Variants in CCDC91 observed in about 807,000 individuals in gnomAD.
The protein encoded by CCDC91 is coiled-coil domain containing 91.
In CCDC91, 48 loss-of-function variants were observed where a neutral mutation model predicts 63.2. The ratio of observed to expected loss-of-function variants is 0.76; its 90% CI spans 0.60 to 0.97. CCDC91 has a LOEUF of 0.97. CCDC91 is among the 50% of genes least tolerant of loss of function. CCDC91 has a pLI of 0.00. For missense variants in CCDC91, 500 were observed against 494.6 expected (o/e 1.01, Z -0.10); for synonymous variants, 167 against 165.8 (o/e 1.01, Z -0.06).
chr12:28,351,717 C>T (rs1361173324), intron 6 of CCDC91, among the ~76,000 whole-genome samples: 1 of 151,808 alleles, frequency 6.6e-6, no homozygotes, highest in Non-Finnish European at 1.5e-5. Context: ...TTTATAGCTT[C>T]CTAGTCTAAT....
In CCDC91 at chr12:28,298,423, C is replaced by G. The variant is rs1038832303; in HGVS notation, c.110-7226C>G. 5.4e-4 allele frequency among the ~76,000 whole-genome samples: 80 copies of G among 148,490 alleles called. 1 individual carries two copies. The highest frequency in any genetic ancestry group is 1.9e-3 in the African/African-American group (77 of 40,520). ...GCCCCTATTAGTCTTTACTTTGAAGCTGGATCTTTTCCTATCCTATTAACT... is the reference window on the plus strand; with the variant it reads ...GCCCCTATTAGTCTTTACTTTGAAGGTGGATCTTTTCCTATCCTATTAACT... On this transcript the variant is annotated intron_variant, in intron 3 of 12. Coordinates refer to ENST00000536442, the MANE Select transcript of CCDC91 (RefSeq NM_018318.5).
rs1418641302 is a variant in CCDC91, at chr12:28,294,919, G to A, written c.110-10730G>A. Among the ~76,000 whole-genome samples, 6 of 152,062 alleles carry A rather than the reference G, an allele frequency of 3.9e-5. No homozygotes were observed. The South Asian group carries it at 6.2e-4, about 16-fold the overall frequency. ...TTCTTTATACATTACTCAGTCTCAG[G>A]TAGTATCTTTATAGCAATGTGAGAA... On this transcript the variant is annotated intron_variant, in intron 3 of 12. Transcript: ENST00000536442.
chr12:28,438,821 G>A (rs2140176609), intron 8 of CCDC91, among the ~76,000 whole-genome samples: 1 of 152,254 alleles, frequency 6.6e-6, no homozygotes, highest in Non-Finnish European at 1.5e-5. Context: ...CCCATCTTAA[G>A]TTGAGGAGCA....
intron 7 of CCDC91, among the ~76,000 whole-genome samples, chr12:28,374,052 C>A (rs907872612): frequency 3.3e-5 from 5 of 152,072 alleles, no homozygotes; most frequent in Non-Finnish European, 7.4e-5. Context: ...TGTGTATTTC[C>A]TTCTAGCAAT....
chr12:28,214,829 A>G (rs1943464822), intron 1 of CCDC91, among the ~76,000 whole-genome samples: 2 of 151,934 alleles, frequency 1.3e-5, no homozygotes, highest in South Asian at 4.2e-4. Flanking sequence ...TGACCTTGTT[A>G]TTTTCTTTAT....
intron 12 of CCDC91, among the ~76,000 whole-genome samples, chr12:28,493,592 C>G (rs1459748604): frequency 2.0e-5 from 3 of 151,634 alleles, no homozygotes; most frequent in Non-Finnish European, 4.4e-5. Context: ...TCAAAAAGTG[C>G]TAAAACAAGA....
At chr12:28,473,246 G>C (rs1435301258) in intron 11 of CCDC91, among the ~76,000 whole-genome samples, 1 of 152,086 alleles carries the variant, frequency 6.6e-6, no homozygotes, top group African/African-American at 2.4e-5. Flanking sequence ...CTTTACTACT[G>C]CTAAGCCATT....
At chr12:28,242,909 C>A (rs1405138309) in intron 1 of CCDC91, among the ~76,000 whole-genome samples, 1 of 152,110 alleles carries the variant, frequency 6.6e-6, no homozygotes, top group African/African-American at 2.4e-5. Context: ...CTTGCTCCTA[C>A]TTCTGACATG....
At chr12:28,492,400 T>C in intron 12 of CCDC91, among the ~76,000 whole-genome samples, 1 of 151,864 alleles carries the variant, frequency 6.6e-6, no homozygotes, top group East Asian at 1.9e-4. Context: ...TTGACTCTTA[T>C]AATCTATAAT....
chr12:28,301,330 A>G lies in CCDC91; in HGVS notation c.110-4319A>G, dbSNP rs115346254. 1.3e-3 allele frequency among the ~76,000 whole-genome samples: 201 copies of G among 151,454 alleles called. 2 individuals are homozygous for G. Among genetic ancestry groups the G allele is most frequent in the African/African-American group, 4.7e-3 (194 of 41,468 alleles). ...TCCAGAGTCTGGAGATAATCATATA[A>G]TTTTTTTTAAAATTCTGTTATTATG... On this transcript the variant is annotated intron_variant, in intron 3 of 12. Coordinates refer to ENST00000536442, the MANE Select transcript of CCDC91 (RefSeq NM_018318.5).
chr12:28,277,683 T>TC (rs1446215454), intron 3 of CCDC91, among the ~76,000 whole-genome samples: 1 of 152,020 alleles, frequency 6.6e-6, no homozygotes, highest in African/African-American at 2.4e-5. Context: ...CTCCTTTTTT[T>TC]CACTTTGATC....
chr12:28,332,372 T>C (rs779254842), intron 6 of CCDC91, among the ~76,000 whole-genome samples: 2 of 152,174 alleles, frequency 1.3e-5, no homozygotes, highest in African/African-American at 4.8e-5. Flanking sequence ...AAGGAAGATA[T>C]TGAAAATCCT....
At chr12:28,232,973 C>CA (rs35495535) in intron 1 of CCDC91, among the ~76,000 whole-genome samples, 1,023 of 87,424 alleles carry the variant, frequency 0.012, 7 homozygotes, top group South Asian at 0.028. Context: ...ACTCTATCTC[C>CA]AAAAAAAAAA....
chr12:28,420,211 C>CA (rs1159590717), intron 8 of CCDC91, among the ~76,000 whole-genome samples: 1 of 151,760 alleles, frequency 6.6e-6, no homozygotes, highest in Non-Finnish European at 1.5e-5. Flanking sequence ...AAACTTAAAG[C>CA]AAAAAAATCA....
chr12:28,379,829 A>G (rs1412076626), intron 7 of CCDC91, among the ~76,000 whole-genome samples: 1 of 152,318 alleles, frequency 6.6e-6, no homozygotes, highest in South Asian at 2.1e-4. Flanking sequence ...GTTATAAATC[A>G]TTCTACTATA....
chr12:28,452,545 A>C lies in CCDC91; in HGVS notation c.992A>C (p.Lys331Thr). 1 of 1,591,418 alleles carries C rather than the reference A, an allele frequency of 6.3e-7. No individual in the cohort carries two copies. Among genetic ancestry groups the C allele is most frequent in the South Asian group, 1.2e-5 (1 of 86,616 alleles). ...VVEEERKNLE[K>T]AHAEERELWK... ...GAAGAAGAAAGAAAAAATTTAGAAA[A>C]AGCGCATGCTGAAGAAAGGGAATTA... Residue 331 changes from lysine (K) to threonine (T), a missense_variant, in exon 11 of 13, where the codon AAA (lysine) becomes ACA (threonine). Physicochemically the swap from Lys to Thr is moderately conservative, Grantham distance 78. Coordinates refer to ENST00000536442, the MANE Select transcript of CCDC91 (RefSeq NM_018318.5).
chr12:28,520,905 T>G (rs11502740), intron 12 of CCDC91, among the ~76,000 whole-genome samples: 14,013 of 151,876 alleles, frequency 0.092, 1,893 homozygotes, highest in African/African-American at 0.3. Flanking sequence ...TATTTCTGAG[T>G]GCTCTGTTCT....
chr12:28,435,369 G>A (rs1209336487), intron 8 of CCDC91, among the ~76,000 whole-genome samples: 1 of 151,462 alleles, frequency 6.6e-6, no homozygotes, highest in East Asian at 1.9e-4. Flanking sequence ...TATCCCATGA[G>A]TTATTTAGAA....
chr12:28,541,407 T>G (rs1415327344), intron 12 of CCDC91, among the ~76,000 whole-genome samples: 2 of 152,098 alleles, frequency 1.3e-5, no homozygotes, highest in African/African-American at 4.8e-5. Context: ...ATTTGAGAAT[T>G]TAAAGATAGT....
Sources: allele counts gnomAD v4.1 joint callset (sites outside exome capture counted in the v4.1 genomes callset), GRCh38; gene constraint gnomAD v4.1.1; transcripts MANE v1.5; gene names NCBI Gene and HGNC (gene_info 2026-07-23, HGNC 2026-07-21).